Variants in GRIP1 observed in about 807,000 individuals in gnomAD.
GRIP1 encodes glutamate receptor interacting protein 1.
A neutral mutation model predicts 129.9 loss-of-function variants in GRIP1; 45 were observed. The observed-to-expected ratio is 0.35, with a 90% CI of 0.27 to 0.44. The LOEUF is 0.44. GRIP1 is among the 20% of genes least tolerant of loss of function. The pLI is 1.00. For synonymous variants in GRIP1, 530 were observed against 520.8 expected (o/e 1.02, Z -0.24); for missense variants, 1,196 against 1,396.8 (o/e 0.86, Z 2.29).
At chr12:66,492,019 T>G (rs1182744392) in intron 7 of GRIP1, among the ~76,000 whole-genome samples, 3 of 152,190 alleles carry the variant, frequency 2.0e-5, no homozygotes, top group African/African-American at 7.2e-5. Flanking sequence ...TAGCAGCCAG[T>G]GTGTGCCAGC....
chr12:66,670,196 C>T (rs890707121), intron 1 of GRIP1, among the ~76,000 whole-genome samples: 1 of 152,314 alleles, frequency 6.6e-6, no homozygotes, highest in African/African-American at 2.4e-5. Flanking sequence ...GCACCGCATA[C>T]AACCAAAGCA....
At chr12:66,944,716 A>G (rs2041638955) in intron 1 of GRIP1, among the ~76,000 whole-genome samples, 1 of 152,228 alleles carries the variant, frequency 6.6e-6, no homozygotes, top group Non-Finnish European at 1.5e-5. Context: ...AGTCACTCAG[A>G]GGACTGCTAC....
At chr12:66,588,325 T>C (rs2063720553) in intron 2 of GRIP1, among the ~76,000 whole-genome samples, 1 of 152,158 alleles carries the variant, frequency 6.6e-6, no homozygotes, top group African/African-American at 2.4e-5. Context: ...CTTAGAGAGA[T>C]AATGGCATGA....
chr12:66,562,706 C>A (rs531118353), intron 2 of GRIP1, among the ~76,000 whole-genome samples: 3 of 152,072 alleles, frequency 2.0e-5, no homozygotes, highest in African/African-American at 7.2e-5. Context: ...TATGTATGTA[C>A]GTATAATACA....
intron 1 of GRIP1, among the ~76,000 whole-genome samples, chr12:66,747,566 C>G (rs1194929702): frequency 6.6e-6 from 1 of 151,844 alleles, no homozygotes; most frequent in African/African-American, 2.4e-5. Context: ...TATTTCAGGC[C>G]AACAGGGAAT....
intron 1 of GRIP1, among the ~76,000 whole-genome samples, chr12:66,675,896 G>A (rs893644037): frequency 6.6e-6 from 1 of 152,114 alleles, no homozygotes; most frequent in Non-Finnish European, 1.5e-5. Flanking sequence ...ACATTGGTAG[G>A]TACCTGATAA....
intron 1 of GRIP1, among the ~76,000 whole-genome samples, chr12:66,959,735 A>AT (rs2041895248): frequency 6.6e-6 from 1 of 152,132 alleles, no homozygotes; most frequent in African/African-American, 2.4e-5. Context: ...GGCTAGTTTA[A>AT]TTTTTAATTT....
intron 1 of GRIP1, among the ~76,000 whole-genome samples, chr12:66,612,946 G>A (rs928239957): frequency 4.6e-5 from 7 of 152,128 alleles, no homozygotes; most frequent in African/African-American, 1.7e-4. Flanking sequence ...ACCGGGGAAA[G>A]ACAGCATCCA....
intron 1 of GRIP1, among the ~76,000 whole-genome samples, chr12:66,930,429 C>T (rs2041374852): frequency 6.6e-6 from 1 of 151,050 alleles, no homozygotes; most frequent in Admixed American, 6.6e-5. Flanking sequence ...CTACAAAGGA[C>T]ATGAACTCAT....
At chr12:67,014,344 A>T (rs573824013) in intron 1 of GRIP1, among the ~76,000 whole-genome samples, 5 of 152,274 alleles carry the variant, frequency 3.3e-5, no homozygotes, top group African/African-American at 1.2e-4. Flanking sequence ...GAGCACCTGT[A>T]TCATAACTGG....
intron 7 of GRIP1, among the ~76,000 whole-genome samples, chr12:66,508,778 C>T (rs1407629515): frequency 6.6e-6 from 1 of 152,158 alleles, no homozygotes; most frequent in Non-Finnish European, 1.5e-5. Context: ...CTACAGTGAG[C>T]CTTGTTTTAT....
At chr12:66,402,094 C>T (rs530075582) in intron 16 of GRIP1, among the ~76,000 whole-genome samples, 1 of 152,338 alleles carries the variant, frequency 6.6e-6, no homozygotes, top group South Asian at 2.1e-4. Flanking sequence ...TATCTGCCTA[C>T]TAGAGTGTGC....
At chr12:66,868,590 A>C (rs1305573514) in intron 1 of GRIP1, among the ~76,000 whole-genome samples, 1 of 152,106 alleles carries the variant, frequency 6.6e-6, no homozygotes, top group African/African-American at 2.4e-5. Context: ...CCAAGAACAG[A>C]AAAATCTACA....
chr12:66,442,175 T>C (rs1037634730), intron 13 of GRIP1, among the ~76,000 whole-genome samples: 3 of 152,236 alleles, frequency 2.0e-5, no homozygotes, highest in Non-Finnish European at 1.5e-5. Context: ...GTGATCTAAA[T>C]TCCTTACCAG....
At chr12:66,916,502 G>A (rs987374310) in intron 1 of GRIP1, among the ~76,000 whole-genome samples, 3 of 152,090 alleles carry the variant, frequency 2.0e-5, no homozygotes, top group African/African-American at 7.2e-5. Flanking sequence ...CCTTTCAGAA[G>A]CCACCAGTGT....
At chr12:66,570,720 C>A (rs1385554291) in intron 2 of GRIP1, among the ~76,000 whole-genome samples, 1 of 152,182 alleles carries the variant, frequency 6.6e-6, no homozygotes, top group African/African-American at 2.4e-5. Flanking sequence ...TGTATTCACA[C>A]CACCATATGG....
chr12:66,374,246 G>A (rs1409652817), intron 22 of GRIP1, among the ~76,000 whole-genome samples: 1 of 152,094 alleles, frequency 6.6e-6, no homozygotes, highest in Non-Finnish European at 1.5e-5. Context: ...GAAGTGTAGT[G>A]ATGTGATCTT....
chr12:66,370,965 C>T (rs1448208587), intron 23 of GRIP1, among the ~76,000 whole-genome samples: 1 of 152,132 alleles, frequency 6.6e-6, no homozygotes, highest in African/African-American at 2.4e-5. Context: ...ACATAATCAT[C>T]TACTGCAAGT....
At chr12:66,959,543 T>C (rs2041892256) in intron 1 of GRIP1, among the ~76,000 whole-genome samples, 1 of 152,200 alleles carries the variant, frequency 6.6e-6, no homozygotes, top group African/African-American at 2.4e-5. Flanking sequence ...TTATCTCCAT[T>C]TGAATCTTTA....
Sources: gnomAD v4.1 joint callset for allele counts (sites outside exome capture counted in the v4.1 genomes callset) on GRCh38, gnomAD v4.1.1 for gene constraint, MANE v1.5 for transcripts, NCBI Gene and HGNC (gene_info 2026-07-23, HGNC 2026-07-21) for gene names.